PDK2: variants seen among roughly 807,000 people sequenced by gnomAD.
The protein encoded by PDK2 is pyruvate dehydrogenase kinase 2, also known as pyruvate dehydrogenase kinase, isozyme 2.
PDK2 carries 34 observed loss-of-function variants against 50.4 expected under a neutral mutation model. The ratio of observed to expected loss-of-function variants is 0.68; its 90% confidence interval spans 0.51 to 0.90. PDK2 has a LOEUF of 0.90. Among genes scored for constraint, PDK2 ranks in the 40% least tolerant of loss-of-function variants. The pLI is 0.00. For synonymous variants in PDK2, 232 were observed against 216.0 expected (o/e 1.07, Z -0.65); for missense variants, 377 against 544.5 (o/e 0.69, Z 3.06).
chr17:50,099,097 C>T (rs1348263497), intron 2 of PDK2, among the ~76,000 whole-genome samples: 3 of 151,978 alleles, frequency 2.0e-5, no homozygotes, highest in Admixed American at 6.6e-5. Flanking sequence ...CCTTGCCTCT[C>T]GGAGGTCCAG....
At chr17:50,100,486 T>G (rs1310778838) in intron 2 of PDK2, among the ~76,000 whole-genome samples, 1 of 152,180 alleles carries the variant, frequency 6.6e-6, no homozygotes. Context: ...CAAAGGCCAG[T>G]GCTAGATGTG....
At chr17:50,104,981 A>G (rs1480591837) in intron 2 of PDK2, among the ~76,000 whole-genome samples, 1 of 152,156 alleles carries the variant, frequency 6.6e-6, no homozygotes, top group Non-Finnish European at 1.5e-5. Flanking sequence ...ACTGGGGCTC[A>G]GAGAAGTTGA....
upstream of PDK2, chr17:50,095,253 C>A: frequency 1.8e-6 from 1 of 550,402 alleles, no homozygotes; most frequent in South Asian, 2.3e-5. Flanking sequence ...ATTGGTTCGC[C>A]CGGAGTTGTT....
Position 50,110,222 on chromosome 17 carries a change from C to A in PDK2, c.*125C>A. Reference sequence around the variant, plus strand: ...TCTCCCTGATGACCAGGTTCTGTCTCTATGGAAGTCACTGCGGTGATAGGT... The same window carrying A: ...TCTCCCTGATGACCAGGTTCTGTCTATATGGAAGTCACTGCGGTGATAGGT... On this transcript the variant is annotated 3_prime_UTR_variant, in exon 11 of 11. Transcript: ENST00000503176. 9.3e-7 allele frequency: 1 copy of A among 1,071,512 alleles called. No individual in the cohort carries two copies. The highest frequency in any genetic ancestry group is 1.3e-6 in the Non-Finnish European group (1 of 767,146). 66.4% of individuals were successfully genotyped at this position (1,071,512 alleles called of 1,614,324 possible). A position where few individuals can be genotyped will look rare whatever the true frequency, so the allele number is the denominator to read the frequency against.
chr17:50,097,524 C>G lies in PDK2; in HGVS notation c.220C>G (p.Arg74Gly). The stretch of plus-strand genomic sequence containing the variant: ...GAAAGAGATCAACCTGCTTCCCGAC[C>G]GAGTGCTGAGCACACCCTCCGTGCA... ...IMKEINLLPDRVLSTPSVQLV... is the reference protein window; with the variant it reads ...IMKEINLLPDGVLSTPSVQLV... Residue 74 changes from arginine to glycine, a missense_variant, in exon 2 of 11, where the codon CGA becomes GGA. Arg to Gly is a moderately radical substitution (Grantham distance 125). Coordinates refer to ENST00000503176, the MANE Select transcript of PDK2 (RefSeq NM_002611.5). The G allele has an allele frequency of 6.2e-7, 1 of 1,613,800 alleles. No individual in the cohort carries two copies. Among genetic ancestry groups the G allele is most frequent in the Non-Finnish European group, 8.5e-7 (1 of 1,179,994 alleles).
intron 1 of PDK2, among the ~76,000 whole-genome samples, chr17:50,096,531 ACCTGTT>A (rs1909960182): frequency 6.6e-6 from 1 of 151,878 alleles, no homozygotes; most frequent in Non-Finnish European, 1.5e-5. Flanking sequence ...GACATAAGGC[ACCTGTT>A]CCTCAGGACT....
chr17:50,108,545 C>T, intron 8 of PDK2, 67 bp from the exon 9 acceptor site: 1 of 1,368,244 alleles, frequency 7.3e-7, no homozygotes, highest in Non-Finnish European at 1.0e-6. Context: ...ATGAGAAGGT[C>T]AGGGGTATTG....
Position 50,108,212 on chromosome 17 carries a change from A to T in PDK2, c.742A>T (p.Met248Leu), listed in dbSNP as rs1910621527. 1 of 1,598,756 alleles carries T rather than the reference A, an allele frequency of 6.3e-7. No individual in the cohort carries two copies. Among genetic ancestry groups the T allele is most frequent in the Non-Finnish European group, 8.5e-7 (1 of 1,171,548 alleles). The stretch of plus-strand genomic sequence containing the variant: ...CTACGTCCCCTCCCACCTCTACCAC[A>T]TGCTCTTTGAGCTCTTCAAGGTGAG... Reference protein sequence around the residue: ...MVYVPSHLYHMLFELFKNAMR... With the variant: ...MVYVPSHLYHLLFELFKNAMR... The change falls in exon 7 of 11, where the codon ATG becomes TTG. Residue 248 changes from methionine (M) to leucine (L), a missense_variant. Met to Leu is a conservative substitution (Grantham distance 15). Around this residue, in one of 3 missense-constraint regions of PDK2, gnomAD observed 214 missense variants for 294.0 expected, o/e 0.73. Coordinates refer to ENST00000503176, the MANE Select transcript of PDK2 (RefSeq NM_002611.5).
At position 50,111,056 on chromosome 17, in the gene PDK2, G is replaced by T. The variant is rs932396897; in HGVS notation, c.*959G>T. 1.3e-5 allele frequency: 2 copies of T among 152,430 alleles called. No individual in the cohort carries two copies. Among genetic ancestry groups the T allele is most frequent in the African/African-American group, 4.8e-5 (2 of 41,458 alleles). The allele number at this position is 152,430 out of a possible 1,614,324, so 9.4% of individuals were successfully genotyped here. A position where few individuals can be genotyped will look rare whatever the true frequency, so the allele number is the denominator to read the frequency against. ...ACCCACAGTAAAGAGGAGACTGAAT[G>T]AGACTGGCCTGGCTGCATCCCTGGG... On this transcript the variant is annotated 3_prime_UTR_variant, in exon 11 of 11. Transcript: ENST00000503176.
chr17:50,095,644 G>A, intron 1 of PDK2, 91 bp downstream of exon 1: 1 of 1,492,786 alleles, frequency 6.7e-7, no homozygotes, highest in Non-Finnish European at 9.0e-7. Context: ...GAGAAGAAAG[G>A]CCCCGAGTGA....
chr17:50,108,955 A>G (rs751029728), intron 9 of PDK2, among the ~76,000 whole-genome samples: 4 of 151,406 alleles, frequency 2.6e-5, no homozygotes, highest in Non-Finnish European at 4.4e-5. Context: ...CAAACCCCCA[A>G]TTTCTACCTT....
rs754637046 is a variant in PDK2 at position 50,109,282 on chromosome 17, T to C, written c.970-5T>C. The C allele has an allele frequency of 1.2e-6, 2 of 1,604,680 alleles. No homozygotes were observed. The highest frequency in any genetic ancestry group is 3.3e-5 in the Admixed American group (2 of 59,888). On this transcript the variant is annotated splice_polypyrimidine_tract_variant and splice_region_variant and intron_variant, in intron 9 of 10. Coordinates refer to ENST00000503176, the MANE Select transcript of PDK2 (RefSeq NM_002611.5). The surrounding 1 kb of genome is among the most constrained non-coding windows in gnomAD (Gnocchi z 5.0). ...CATCCTCACTGCCTTCCTGCCCCGC[T>C]GCAGGCTGGCTTTGGTTATGGGCTC...
At position 50,109,257 on chromosome 17, in the gene PDK2, C is replaced by G. The variant is rs1910692815; in HGVS notation, c.970-30C>G. ...TCCAGGAGGCCCCTGCCAGCCTCCT[C>G]ATCCTCACTGCCTTCCTGCCCCGCT... On this transcript the variant is annotated intron_variant, in intron 9 of 10. Transcript: ENST00000503176. The surrounding 1 kb of genome is among the most constrained non-coding windows in gnomAD (Gnocchi z 5.0). 6.7e-7 allele frequency: 1 copy of G among 1,486,100 alleles called. No homozygotes were observed. The highest frequency in any genetic ancestry group is 2.3e-5 in the East Asian group (1 of 44,204). 92.1% of individuals were successfully genotyped at this position (1,486,100 alleles called of 1,614,324 possible). A position where few individuals can be genotyped will look rare whatever the true frequency, so the allele number is the denominator to read the frequency against.
chr17:50,107,863 A>G (rs993119801), intron 6 of PDK2: 45 of 437,834 alleles, frequency 1.0e-4, no homozygotes, highest in Non-Finnish European at 1.6e-4. Context: ...CTTAAGAGGG[A>G]GGTTTCCCTC....
rs1598213742 is a variant in PDK2 at position 50,106,158 on chromosome 17, T to A, written c.517+89T>A. 1.9e-6 allele frequency: 3 copies of A among 1,540,564 alleles called. No individual in the cohort carries two copies. In the East Asian group the frequency reaches 7.4e-5, roughly 38 times the overall value. ...GGGCTGCTGAGGGGACCTAGACCACTCTTCAGAACCCCACAAAGGGAGTCT... is the reference window on the plus strand; with the variant it reads ...GGGCTGCTGAGGGGACCTAGACCACACTTCAGAACCCCACAAAGGGAGTCT... On this transcript the variant is annotated intron_variant, in intron 4 of 10. Transcript: ENST00000503176.
Position 50,095,479 on chromosome 17 carries a change from G to T in PDK2, c.44G>T (p.Gly15Val), listed in dbSNP as rs1405731540. The change falls in exon 1 of 11, where the codon GGG becomes GTG. Residue 15 changes from glycine to valine, a missense_variant. Physicochemically the swap from Gly to Val is moderately radical, Grantham distance 109 (BLOSUM62 -3). Coordinates refer to ENST00000503176, the MANE Select transcript of PDK2 (RefSeq NM_002611.5). The part of the protein sequence containing the change: ...WALLKNASLA[G>V]APKYIEHFSK... Reference sequence around the variant, plus strand: ...CTGCTGAAGAATGCGTCCCTGGCAGGGGCGCCCAAGTACATAGAGCACTTC... The same window carrying T: ...CTGCTGAAGAATGCGTCCCTGGCAGTGGCGCCCAAGTACATAGAGCACTTC... The T allele has an allele frequency of 6.2e-7, 1 of 1,605,810 alleles. No homozygotes were observed. Among genetic ancestry groups the T allele is most frequent in the Non-Finnish European group, 8.5e-7 (1 of 1,176,594 alleles).
intron 2 of PDK2, among the ~76,000 whole-genome samples, chr17:50,097,956 A>C (rs2144346195): frequency 6.6e-6 from 1 of 152,326 alleles, no homozygotes; most frequent in East Asian, 1.9e-4. Context: ...CAGAAACAAG[A>C]AGTAAGTTTT....
chr17:50,109,409 C>T lies in PDK2; in HGVS notation c.1083+9C>T. 3 of 1,571,788 alleles carry T rather than the reference C, an allele frequency of 1.9e-6. No homozygotes were observed. The highest frequency in any genetic ancestry group is 2.6e-6 in the Non-Finnish European group (3 of 1,144,330). ...CTGTCATCTATCTCAAGGTGAGGGC[C>T]CTTCCCGCAGAGCCCAGCTGGAGAA... is the stretch of plus-strand genomic sequence containing the variant. On this transcript the variant is annotated intron_variant, in intron 10 of 10. Transcript: ENST00000503176. This position sits in a 1 kb window ranked among gnomAD's most constrained non-coding sequence, Gnocchi z 5.0.
chr17:50,096,351 G>A, intron 1 of PDK2: 1 of 958,516 alleles, frequency 1.0e-6, no homozygotes, highest in Non-Finnish European at 1.2e-6. Flanking sequence ...CTGTGCCAAC[G>A]TGGCAGCTGA....
Sources: allele counts gnomAD v4.1 joint callset (sites outside exome capture counted in the v4.1 genomes callset), GRCh38; gene constraint gnomAD v4.1.1; regional missense constraint gnomAD v4.1.1; non-coding constraint Gnocchi (gnomAD v3.1); transcripts MANE v1.5; gene names NCBI Gene and HGNC (gene_info 2026-07-23, HGNC 2026-07-21).